The following ROR1 variants were observed in gnomAD, a reference collection of about 807,000 sequenced individuals.
The protein encoded by ROR1 is ROR family WNT receptor 1.
A neutral mutation model predicts 78.8 loss-of-function variants in ROR1; 19 were observed. The observed-to-expected ratio is 0.24, with a 90% confidence interval of 0.17 to 0.35. The LOEUF is 0.35. Among genes scored for constraint, ROR1 ranks in the 10% least tolerant of loss-of-function variants. The probability of loss-of-function intolerance (pLI) is 1.00; values close to 1 mark genes in which losing one functional copy is unlikely to be tolerated. For synonymous variants in ROR1, 386 were observed against 433.6 expected, an observed-to-expected ratio of 0.89 and a Z score of 1.36; for missense variants, 917 against 1,177.8, an observed-to-expected ratio of 0.78 and a Z score of 3.24.
chr1:64,026,401 A>C (rs1262808695), intron 2 of ROR1, among the ~76,000 whole-genome samples: 1 of 152,208 alleles, frequency 6.6e-6, no homozygotes, highest in African/African-American at 2.4e-5. Flanking sequence ...CATCAATGCT[A>C]TTTTATTTAG....
chr1:63,789,696 T>G (rs1000027695), intron 1 of ROR1, among the ~76,000 whole-genome samples: 1 of 146,140 alleles, frequency 6.8e-6, no homozygotes. Flanking sequence ...TTTTTTTTTT[T>G]GTCTTTAAAC....
At chr1:64,004,922 G>A (rs1212243189) in intron 1 of ROR1, among the ~76,000 whole-genome samples, 1 of 152,018 alleles carries the variant, frequency 6.6e-6, no homozygotes, top group Non-Finnish European at 1.5e-5. Context: ...TTTGAGGTTT[G>A]CCCTCCTAAA....
intron 1 of ROR1, among the ~76,000 whole-genome samples, chr1:63,867,765 AAAG>A (rs1279376423): frequency 6.6e-6 from 1 of 152,240 alleles, no homozygotes; most frequent in African/African-American, 2.4e-5. Context: ...TTATCCTTTA[AAAG>A]AAAAAATAAA....
chr1:63,962,736 G>A (rs988990789), intron 1 of ROR1, among the ~76,000 whole-genome samples: 1 of 152,184 alleles, frequency 6.6e-6, no homozygotes, highest in African/African-American at 2.4e-5. Context: ...TGGGTCTGAT[G>A]GGAGATGATG....
In ROR1 at chr1:64,180,782, T is replaced by A. The variant is rs1378631764; in HGVS notation, c.*1927T>A. ...ATTTTAAGTACACAATTTCAGTGAA[T>A]CTTGAGTTTTTCTAGGAGTCCCTTA... On this transcript the variant is annotated 3_prime_UTR_variant, in exon 9 of 9. Transcript: ENST00000371079. The A allele has an allele frequency of 6.6e-6, 1 of 152,178 alleles. No individual in the cohort carries two copies. Among genetic ancestry groups the A allele is most frequent in the Non-Finnish European group, 1.5e-5 (1 of 67,984 alleles). The allele number at this position is 152,178 out of a possible 1,614,324, so 9.4% of individuals were successfully genotyped here. A position where few individuals can be genotyped will look rare whatever the true frequency, so the allele number is the denominator to read the frequency against.
At chr1:63,810,325 G>A (rs1483226450) in intron 1 of ROR1, among the ~76,000 whole-genome samples, 1 of 152,072 alleles carries the variant, frequency 6.6e-6, no homozygotes, top group African/African-American at 2.4e-5. Context: ...TTTGTTGATG[G>A]CTTCCAAGTT....
intron 1 of ROR1, among the ~76,000 whole-genome samples, chr1:63,883,598 A>G (rs1645337608): frequency 6.6e-6 from 1 of 152,176 alleles, no homozygotes; most frequent in African/African-American, 2.4e-5. Flanking sequence ...TGACTGGGTG[A>G]AATGAGCTGG....
intron 2 of ROR1, among the ~76,000 whole-genome samples, chr1:64,025,773 T>A (rs1283402298): frequency 1.3e-5 from 2 of 152,128 alleles, no homozygotes; most frequent in Admixed American, 1.3e-4. Context: ...AATGGAAAAC[T>A]AAACCTTGTA....
At chr1:64,041,662 C>T (rs1343198720) in intron 2 of ROR1, among the ~76,000 whole-genome samples, 1 of 152,112 alleles carries the variant, frequency 6.6e-6, no homozygotes, top group African/African-American at 2.4e-5. Context: ...ACATTATTGG[C>T]CATTTGTTGT....
Position 64,178,504 on chromosome 1 carries a change from A to G in ROR1, c.2463A>G (p.Gly821=). 1.2e-6 allele frequency: 2 copies of G among 1,614,176 alleles called. No homozygotes were observed. The highest frequency in any genetic ancestry group is 1.7e-6 in the Non-Finnish European group (2 of 1,180,038). ...PQNQRFIPIN[G]YPIPPGYAAF... is the part of the protein sequence containing the mutation. Reference sequence around the variant, plus strand: ...ACCAGCGATTCATTCCCATCAATGGATACCCAATACCTCCTGGATATGCAG... The same window carrying G: ...ACCAGCGATTCATTCCCATCAATGGGTACCCAATACCTCCTGGATATGCAG... Residue 821 remains glycine (G), a synonymous_variant, in exon 9 of 9, where the codon GGA becomes GGG. Transcript: ENST00000371079. The surrounding 1 kb of genome is among the most constrained non-coding windows in gnomAD (Gnocchi z 4.3).
chr1:63,978,930 C>G (rs1205715382), intron 1 of ROR1, among the ~76,000 whole-genome samples: 1 of 152,202 alleles, frequency 6.6e-6, no homozygotes, highest in Non-Finnish European at 1.5e-5. Context: ...AGTCCAAAGG[C>G]TGTCAGGCCG....
intron 1 of ROR1, among the ~76,000 whole-genome samples, chr1:63,886,036 G>A (rs1254901527): frequency 6.6e-6 from 1 of 152,158 alleles, no homozygotes; most frequent in African/African-American, 2.4e-5. Context: ...GGTGATGGGA[G>A]ACAGTGTCAG....
At chr1:63,789,337 C>G in intron 1 of ROR1, 1 of 435,800 alleles carries the variant, frequency 2.3e-6, no homozygotes, top group South Asian at 2.3e-5. Flanking sequence ...GGTGAGTGAT[C>G]TAATATTGAC....
chr1:63,855,851 G>A lies in ROR1; in HGVS notation c.91+81343G>A, dbSNP rs145824569. ...TTTCTGTATTTTTAGTAGAGACGGC[G>A]TTTCACCATGTCGGCCAGGATGGTC... On this transcript the variant is annotated intron_variant, in intron 1 of 8. Transcript: ENST00000371079. Among the ~76,000 whole-genome samples, 438 of 151,152 alleles carry A rather than the reference G, an allele frequency of 2.9e-3. 3 individuals carry two copies. Among genetic ancestry groups the A allele is most frequent in the East Asian group, 8.0e-3 (41 of 5,144 alleles).
At chr1:64,100,750 G>A (rs756595684) in intron 4 of ROR1, among the ~76,000 whole-genome samples, 1 of 152,146 alleles carries the variant, frequency 6.6e-6, no homozygotes, top group Non-Finnish European at 1.5e-5. Flanking sequence ...GGAATATCAA[G>A]CATTAGCAAT....
intron 1 of ROR1, among the ~76,000 whole-genome samples, chr1:63,951,715 C>A (rs553295989): frequency 2.3e-4 from 35 of 152,278 alleles, no homozygotes; most frequent in African/African-American, 6.7e-4. Context: ...GACACCCCCC[C>A]CTCACCACCA....
At chr1:64,007,796 G>A (rs527645873) in intron 1 of ROR1, among the ~76,000 whole-genome samples, 1 of 152,244 alleles carries the variant, frequency 6.6e-6, no homozygotes, top group African/African-American at 2.4e-5. Flanking sequence ...AGTTACAGGA[G>A]CAATGTTGTT....
intron 7 of ROR1, among the ~76,000 whole-genome samples, chr1:64,152,747 C>G (rs181475223): frequency 8.5e-5 from 13 of 152,238 alleles, no homozygotes; most frequent in Admixed American, 3.3e-4. Context: ...CATAATTAAA[C>G]AGTTAGGTAT....
chr1:63,981,806 A>T (rs1349368445), intron 1 of ROR1, among the ~76,000 whole-genome samples: 1 of 152,014 alleles, frequency 6.6e-6, no homozygotes, highest in Non-Finnish European at 1.5e-5. Context: ...GTGAGTCCAT[A>T]TTAGTTTCTC....
Sources: allele counts gnomAD v4.1 joint callset (sites outside exome capture counted in the v4.1 genomes callset), GRCh38; gene constraint gnomAD v4.1.1; non-coding constraint Gnocchi (gnomAD v3.1); transcripts MANE v1.5; gene names NCBI Gene and HGNC (gene_info 2026-07-23, HGNC 2026-07-21).